SYT14: variants seen among roughly 807,000 people sequenced by gnomAD.
The protein encoded by SYT14 is synaptotagmin-14.
In SYT14, 32 loss-of-function variants were observed where a neutral mutation model predicts 74.2. The ratio of observed to expected loss-of-function variants is 0.43; its 90% confidence interval spans 0.33 to 0.58. The LOEUF (loss-of-function observed/expected upper bound fraction) is 0.58, where lower values mean the gene tolerates loss of function less well. Ranked by LOEUF, SYT14 falls within the 20% of genes least tolerant of loss-of-function variation. The pLI is 0.05. For missense variants in SYT14, 791 were observed against 981.8 expected (o/e 0.81, Z 2.60); for synonymous variants, 298 against 337.7 (o/e 0.88, Z 1.29).
At chr1:210,008,104 G>T (rs2080021580) in intron 2 of SYT14, among the ~76,000 whole-genome samples, 1 of 152,128 alleles carries the variant, frequency 6.6e-6, no homozygotes, top group Non-Finnish European at 1.5e-5. Flanking sequence ...AAATATGGTT[G>T]CAGTGAGGAT....
chr1:210,076,801 G>A (rs2081509404), intron 5 of SYT14, among the ~76,000 whole-genome samples: 1 of 152,052 alleles, frequency 6.6e-6, no homozygotes, highest in Admixed American at 6.5e-5. Context: ...TCACTATCAC[G>A]AGAACAGCAC....
At chr1:209,991,560 G>A (rs973913873) in intron 2 of SYT14, among the ~76,000 whole-genome samples, 1 of 152,150 alleles carries the variant, frequency 6.6e-6, no homozygotes, top group African/African-American at 2.4e-5. Flanking sequence ...TCAGAGAAAT[G>A]CAAATTAAAA....
chr1:210,131,159 T>TA (rs2082665685), intron 7 of SYT14, among the ~76,000 whole-genome samples: 1 of 152,204 alleles, frequency 6.6e-6, no homozygotes, highest in Non-Finnish European at 1.5e-5. Context: ...AAACAGTCAG[T>TA]AAATAATAGT....
intron 5 of SYT14, among the ~76,000 whole-genome samples, chr1:210,054,932 C>A (rs563563263): frequency 6.6e-6 from 1 of 152,218 alleles, no homozygotes; most frequent in South Asian, 2.1e-4. Context: ...TAATTGGATT[C>A]TTGGGTGCCT....
At position 210,027,508 on chromosome 1, in the gene SYT14, G is replaced by A. The variant is rs1158562789; in HGVS notation, c.1312+6254G>A. 4.6e-5 allele frequency among the ~76,000 whole-genome samples: 7 copies of A among 152,166 alleles called. No homozygotes were observed. The East Asian group carries it at 1.4e-3, about 29-fold the overall frequency. ...AAAAGGTCTTCATTCTTGTCTTCAT[G>A]TTGAGTAGGCTGAGGAGGAAGAGGA... is the stretch of plus-strand genomic sequence containing the variant. On this transcript the variant is annotated intron_variant, in intron 5 of 9. Transcript: ENST00000637265.
intron 5 of SYT14, among the ~76,000 whole-genome samples, chr1:210,085,221 A>G (rs925654974): frequency 1.3e-5 from 2 of 152,178 alleles, no homozygotes; most frequent in African/African-American, 4.8e-5. Context: ...TCATTTTTTA[A>G]AATATTGATC....
chr1:210,099,944 G>A (rs2082031272), intron 6 of SYT14, 68 bp from the exon 6 acceptor site: 2 of 1,354,612 alleles, frequency 1.5e-6, no homozygotes, highest in East Asian at 4.9e-5. Context: ...GAAATATCAA[G>A]TATTTATTTA....
At chr1:209,951,574 C>G (rs2078912584) in intron 1 of SYT14, among the ~76,000 whole-genome samples, 1 of 152,098 alleles carries the variant, frequency 6.6e-6, no homozygotes, top group Admixed American at 6.6e-5. Flanking sequence ...GCACTTGCCC[C>G]ATAAACCCAG....
exon 10 of SYT14, chr1:210,163,343 T>C (rs2102735389): frequency 2.2e-6 from 1 of 453,790 alleles, no homozygotes; most frequent in East Asian, 6.9e-5. Flanking sequence ...ATCAAATCCT[T>C]CATGGCTTAA....
At chr1:209,939,475 A>G (rs1367329572) in intron 1 of SYT14, among the ~76,000 whole-genome samples, 1 of 152,172 alleles carries the variant, frequency 6.6e-6, no homozygotes, top group Non-Finnish European at 1.5e-5. Context: ...TTTATTTAAG[A>G]GAGGGAGTAC....
chr1:209,981,381 T>G (rs1281836192), intron 2 of SYT14, among the ~76,000 whole-genome samples: 1 of 152,054 alleles, frequency 6.6e-6, no homozygotes, highest in Non-Finnish European at 1.5e-5. Context: ...CATATGAAGC[T>G]TAGTTTGGTG....
chr1:210,027,541 G>T (rs1012213533), intron 5 of SYT14, among the ~76,000 whole-genome samples: 1 of 152,088 alleles, frequency 6.6e-6, no homozygotes, highest in African/African-American at 2.4e-5. Flanking sequence ...GGAGGGGTTG[G>T]TCTTGCTGTC....
At chr1:209,977,171 CTG>C (rs1288302360) in intron 2 of SYT14, among the ~76,000 whole-genome samples, 1 of 152,172 alleles carries the variant, frequency 6.6e-6, no homozygotes, top group Non-Finnish European at 1.5e-5. Flanking sequence ...ATTTGCCAGT[CTG>C]TGTCTTTTAA....
At chr1:210,121,151 C>T (rs968821464) in intron 7 of SYT14, among the ~76,000 whole-genome samples, 7 of 152,138 alleles carry the variant, frequency 4.6e-5, no homozygotes, top group Non-Finnish European at 8.8e-5. Flanking sequence ...ATAATAGCTA[C>T]CTTATAGATT....
At chr1:210,000,500 A>ACACAC (rs3031236) in intron 2 of SYT14, among the ~76,000 whole-genome samples, 2 of 150,504 alleles carry the variant, frequency 1.3e-5, no homozygotes, top group Admixed American at 1.3e-4. Context: ...ACACACACAC[A>ACACAC]ATCTAAGAAA....
intron 7 of SYT14, among the ~76,000 whole-genome samples, chr1:210,142,180 T>C (rs918600911): frequency 2.0e-5 from 3 of 152,090 alleles, no homozygotes; most frequent in Non-Finnish European, 4.4e-5. Flanking sequence ...AACCCATTCT[T>C]CCCCCCTCCA....
intron 7 of SYT14, among the ~76,000 whole-genome samples, chr1:210,129,226 C>T (rs2082627795): frequency 1.3e-5 from 2 of 152,136 alleles, no homozygotes; most frequent in African/African-American, 4.8e-5. Context: ...ATAATAAAGA[C>T]CTAGAGAGTA....
intron 2 of SYT14, among the ~76,000 whole-genome samples, chr1:210,000,348 A>G (rs1019420971): frequency 3.3e-5 from 5 of 152,062 alleles, no homozygotes; most frequent in Non-Finnish European, 7.4e-5. Flanking sequence ...ATGAAATTAT[A>G]CATGTAAAAT....
At position 210,058,537 on chromosome 1, in the gene SYT14, G is replaced by T. The variant is rs147898779; in HGVS notation, c.1313-35785G>T. Among the ~76,000 whole-genome samples, 1,285 of 152,308 alleles carry T rather than the reference G, an allele frequency of 8.4e-3. 19 individuals are homozygous for T. The highest frequency in any genetic ancestry group is 0.029 in the African/African-American group (1,224 of 41,554). On this transcript the variant is annotated intron_variant, in intron 5 of 9. Coordinates refer to ENST00000637265, the Ensembl canonical transcript of SYT14. The stretch of plus-strand genomic sequence containing the variant: ...ACCTAATTAGGGGATTAGGAGTATG[G>T]ACTGCTGACCACAGGGGAAGACTTG...
Sources: gnomAD v4.1 joint callset for allele counts (sites outside exome capture counted in the v4.1 genomes callset) on GRCh38, gnomAD v4.1.1 for gene constraint, MANE v1.5 for transcripts, NCBI Gene and HGNC (gene_info 2026-07-23, HGNC 2026-07-21) for gene names.